PFDN1: variants seen among roughly 807,000 people sequenced by gnomAD.
PFDN1 encodes prefoldin 1.
PFDN1 carries 6 observed loss-of-function variants against 17.3 expected under a neutral mutation model. The ratio of observed to expected loss-of-function variants is 0.35; its 90% CI spans 0.19 to 0.69. The LOEUF (loss-of-function observed/expected upper bound fraction) is 0.69. Among genes scored for constraint, PFDN1 ranks in the 30% least tolerant of loss-of-function variants. PFDN1 has a pLI of 0.65. For missense variants in PFDN1, 113 were observed against 146.2 expected, an observed-to-expected ratio of 0.77 and a Z score of 1.17; for synonymous variants, 58 against 50.1, an observed-to-expected ratio of 1.16 and a Z score of -0.67.
chr5:140,281,242 AAAG>A (rs1765392257), intron 3 of PFDN1: 2 of 425,106 alleles, frequency 4.7e-6, no homozygotes, highest in South Asian at 3.3e-5. Flanking sequence ...CTGCAGTTCC[AAAG>A]AAGAGACTAT....
At chr5:140,286,560 C>G (rs1267378087) in intron 2 of PFDN1, among the ~76,000 whole-genome samples, 2 of 132,000 alleles carry the variant, frequency 1.5e-5, no homozygotes, top group African/African-American at 5.8e-5. Flanking sequence ...ATTCATTGCT[C>G]GAAAAATGTT....
At chr5:140,255,297 T>C (rs1764970398) in intron 3 of PFDN1, among the ~76,000 whole-genome samples, 1 of 152,186 alleles carries the variant, frequency 6.6e-6, no homozygotes, top group Non-Finnish European at 1.5e-5. Context: ...ATCCCTGTAC[T>C]GTGTTTTTAA....
intron 2 of PFDN1, among the ~76,000 whole-genome samples, chr5:140,298,616 A>T (rs1395321636): frequency 6.6e-6 from 1 of 152,220 alleles, no homozygotes; most frequent in African/African-American, 2.4e-5. Context: ...ATATGCTTTT[A>T]AAAGAAAAAA....
At chr5:140,276,334 G>A (rs934020848) in intron 3 of PFDN1, among the ~76,000 whole-genome samples, 7 of 152,138 alleles carry the variant, frequency 4.6e-5, no homozygotes, top group Non-Finnish European at 8.8e-5. Context: ...TTAAGACTGA[G>A]GAATCAGAAA....
intron 3 of PFDN1, among the ~76,000 whole-genome samples, chr5:140,272,787 T>C (rs979219397): frequency 6.6e-5 from 10 of 152,216 alleles, no homozygotes; most frequent in Admixed American, 6.5e-4. Context: ...TCTGGTTTCC[T>C]GACAACATTT....
chr5:140,257,873 G>T (rs776045258), intron 3 of PFDN1, among the ~76,000 whole-genome samples: 1 of 152,208 alleles, frequency 6.6e-6, no homozygotes, highest in South Asian at 2.1e-4. Context: ...CATGGTCTTC[G>T]ATGGAGGAAA....
chr5:140,252,202 A>G (rs1764924622), intron 3 of PFDN1, among the ~76,000 whole-genome samples: 1 of 152,132 alleles, frequency 6.6e-6, no homozygotes, highest in Admixed American at 6.5e-5. Flanking sequence ...AACAAACAAA[A>G]CAGGTTAAAT....
chr5:140,250,792 G>C (rs892713186), intron 3 of PFDN1, among the ~76,000 whole-genome samples: 1 of 152,146 alleles, frequency 6.6e-6, no homozygotes, highest in Non-Finnish European at 1.5e-5. Context: ...CTTCAAGGTG[G>C]TTTTCAGCTT....
At chr5:140,285,297 G>A (rs1323667206) in intron 2 of PFDN1, among the ~76,000 whole-genome samples, 9 of 149,642 alleles carry the variant, frequency 6.0e-5, no homozygotes, top group East Asian at 3.9e-4. Flanking sequence ...GCAGTGAGCC[G>A]AGATCGCGCC....
At chr5:140,258,557 G>C (rs1765021012) in intron 3 of PFDN1, among the ~76,000 whole-genome samples, 1 of 152,024 alleles carries the variant, frequency 6.6e-6, no homozygotes, top group African/African-American at 2.4e-5. Context: ...CAGTATCTTA[G>C]TGGTGACAAT....
At chr5:140,288,614 GGA>G (rs1398856021) in intron 2 of PFDN1, among the ~76,000 whole-genome samples, 1 of 152,178 alleles carries the variant, frequency 6.6e-6, no homozygotes, top group Admixed American at 6.5e-5. Flanking sequence ...AAACAGTGTG[GGA>G]GAGAGTGGAA....
intron 2 of PFDN1, among the ~76,000 whole-genome samples, chr5:140,295,280 A>G (rs1765635970): frequency 6.6e-6 from 1 of 152,128 alleles, no homozygotes; most frequent in Non-Finnish European, 1.5e-5. Context: ...TATAATTCTT[A>G]TTTTAAAAAT....
At chr5:140,264,247 C>T (rs1363332601) in intron 3 of PFDN1, among the ~76,000 whole-genome samples, 1 of 151,932 alleles carries the variant, frequency 6.6e-6, no homozygotes, top group African/African-American at 2.4e-5. Context: ...AATCACCTCC[C>T]ACCAGACCCC....
chr5:140,267,202 C>A (rs1765145342), intron 3 of PFDN1, among the ~76,000 whole-genome samples: 1 of 152,220 alleles, frequency 6.6e-6, no homozygotes, highest in African/African-American at 2.4e-5. Context: ...TGGAATCACA[C>A]ATGCGGTTAT....
chr5:140,281,384 A>C (rs1420324485), intron 3 of PFDN1, 65 bp downstream of exon 3: 1 of 724,150 alleles, frequency 1.4e-6, no homozygotes, highest in Non-Finnish European at 2.5e-6. Context: ...ATTTTCATTT[A>C]ATATGACACA....
At position 140,281,510 on chromosome 5, in the gene PFDN1, G is replaced by A; in HGVS notation, c.224C>T (p.Ala75Val). The change falls in exon 3 of 4, where the codon GCA (alanine) becomes GTA (valine). Residue 75 changes from alanine (A) to valine (V), a missense_variant. Transcript: ENST00000261813. ...CTTCTCTAACAGCTGACTGTGAATTGCTTCCTTGGACTGAAGAATAAACCT... is the reference window on the plus strand; with the variant it reads ...CTTCTCTAACAGCTGACTGTGAATTACTTCCTTGGACTGAAGAATAAACCT... ...GRMFILQSKE[A>V]IHSQLLEKQK... is the part of the protein sequence containing the mutation. 1 of 1,587,948 alleles carries A rather than the reference G, an allele frequency of 6.3e-7. No homozygotes were observed.
intron 3 of PFDN1, among the ~76,000 whole-genome samples, chr5:140,248,009 C>T (rs1246065320): frequency 1.3e-5 from 2 of 152,112 alleles, no homozygotes; most frequent in African/African-American, 4.8e-5. Flanking sequence ...CATTGCTAAA[C>T]CAAATACAGT....
In PFDN1 at chr5:140,274,633, G is replaced by A. The variant is rs565477494; in HGVS notation, c.285+6816C>T. Among the ~76,000 whole-genome samples the A allele has an allele frequency of 3.9e-5, 6 of 152,216 alleles. No homozygotes were observed. In the East Asian group the frequency reaches 5.8e-4, roughly 15 times the overall value. On this transcript the variant is annotated intron_variant, in intron 3 of 3. Transcript: ENST00000261813. ...ACGAAAGATTAAATCTACATAAACCGTGAGTCTGTTATGAAAATACTTCCC... is the reference window on the plus strand; with the variant it reads ...ACGAAAGATTAAATCTACATAAACCATGAGTCTGTTATGAAAATACTTCCC...
intron 2 of PFDN1, 32 bp downstream of exon 2, chr5:140,300,384 A>G (rs967976198): frequency 1.3e-6 from 2 of 1,517,410 alleles, no homozygotes; most frequent in African/African-American, 1.4e-5. Context: ...AGCACTCCCA[A>G]AATAACTCCA....
Sources: allele counts gnomAD v4.1 joint callset (sites outside exome capture counted in the v4.1 genomes callset), GRCh38; gene constraint gnomAD v4.1.1; transcripts MANE v1.5; gene names NCBI Gene and HGNC (gene_info 2026-07-23, HGNC 2026-07-21).